TENM2: variants seen among roughly 807,000 people sequenced by gnomAD.
The protein encoded by TENM2 is teneurin transmembrane protein 2, also known as teneurin-2.
A neutral mutation model predicts 245.2 loss-of-function variants in TENM2; 52 were observed. The observed-to-expected ratio is 0.21, with a 90% CI of 0.17 to 0.27. TENM2 has a LOEUF of 0.27. Ranked by LOEUF, TENM2 falls within the 10% of genes least tolerant of loss-of-function variation. The pLI, the probability that TENM2 is intolerant of heterozygous loss-of-function variation, is 1.00. For synonymous variants in TENM2, 1,363 were observed against 1,438.9 expected, an observed-to-expected ratio of 0.95 and a Z score of 1.19; for missense variants, 3,046 against 3,666.8, an observed-to-expected ratio of 0.83 and a Z score of 4.37.
intron 9 of TENM2, among the ~76,000 whole-genome samples, chr5:168,103,538 G>A (rs1267889006): frequency 6.6e-6 from 1 of 151,956 alleles, no homozygotes; most frequent in African/African-American, 2.4e-5. Context: ...GCATTAGTCA[G>A]GTATTTTGTG....
chr5:167,792,548 C>T (rs1446034719), intron 2 of TENM2, among the ~76,000 whole-genome samples: 2 of 151,976 alleles, frequency 1.3e-5, no homozygotes, highest in Admixed American at 6.6e-5. Flanking sequence ...ACAACGTGTT[C>T]TGTCCACCTC....
At chr5:168,029,744 G>A (rs545011928) in intron 5 of TENM2, among the ~76,000 whole-genome samples, 13 of 152,224 alleles carry the variant, frequency 8.5e-5, no homozygotes, top group East Asian at 1.9e-4. Context: ...AACTGGCACC[G>A]TGCCTAAAAT....
chr5:168,250,300 G>A (rs1164553559), intron 27 of TENM2, among the ~76,000 whole-genome samples: 2 of 152,020 alleles, frequency 1.3e-5, no homozygotes, highest in African/African-American at 4.8e-5. Flanking sequence ...GAAGGGGAGA[G>A]AGAGAGTGAG....
At chr5:168,189,526 C>G (rs1760762112) in intron 13 of TENM2, among the ~76,000 whole-genome samples, 1 of 152,144 alleles carries the variant, frequency 6.6e-6, no homozygotes, top group African/African-American at 2.4e-5. Context: ...TAATAATGTT[C>G]CGAGTCCTGA....
At chr5:168,117,461 A>G (rs1022576748) in intron 9 of TENM2, among the ~76,000 whole-genome samples, 3 of 152,230 alleles carry the variant, frequency 2.0e-5, no homozygotes, top group African/African-American at 7.2e-5. Flanking sequence ...CTACACATGC[A>G]TATCTAGGAC....
chr5:167,488,631 C>T (rs1224909892), intron 2 of TENM2, among the ~76,000 whole-genome samples: 1 of 152,142 alleles, frequency 6.6e-6, no homozygotes, highest in Non-Finnish European at 1.5e-5. Flanking sequence ...TCAGACACTT[C>T]ACTCTATGAA....
At chr5:167,639,603 T>C (rs146949542) in intron 2 of TENM2, among the ~76,000 whole-genome samples, 36 of 152,336 alleles carry the variant, frequency 2.4e-4, no homozygotes, top group African/African-American at 8.7e-4. Context: ...TCATTTTATG[T>C]AGATGGCTCC....
At chr5:167,488,527 C>T (rs1340627605) in intron 2 of TENM2, among the ~76,000 whole-genome samples, 1 of 152,140 alleles carries the variant, frequency 6.6e-6, no homozygotes, top group African/African-American at 2.4e-5. Flanking sequence ...GATGGTTTTG[C>T]TCGTGACTCA....
intron 2 of TENM2, among the ~76,000 whole-genome samples, chr5:167,598,547 G>A (rs982003317): frequency 1.3e-5 from 2 of 152,168 alleles, no homozygotes; most frequent in African/African-American, 2.4e-5. Flanking sequence ...AGAGAAGAAG[G>A]GTATTACTGT....
rs1458714093 is a variant in TENM2, at chr5:167,859,605, T to TG, written c.503-16374dup. Among the ~76,000 whole-genome samples, 228 of 53,002 alleles carry TG rather than the reference T, an allele frequency of 4.3e-3. 1 individual carries two copies. Among genetic ancestry groups the TG allele is most frequent in the African/African-American group, 0.018 (208 of 11,656 alleles). The allele number at this position is 53,002 out of a possible 152,430, so 34.8% of individuals were successfully genotyped here. On this transcript the variant is annotated intron_variant, in intron 2 of 28. Transcript: ENST00000518659. ...CCAGCCGCCCCGTCCGGGAGGGAGG[T>TG]GGGGGGGTCAGCCCTCCGCCCGGCC...
chr5:167,792,915 G>T (rs752167419), intron 2 of TENM2, among the ~76,000 whole-genome samples: 1 of 152,174 alleles, frequency 6.6e-6, no homozygotes, highest in Non-Finnish European at 1.5e-5. Flanking sequence ...CCCTGACTGA[G>T]CTTTCCAATT....
At chr5:167,662,684 T>G (rs1414706483) in intron 2 of TENM2, among the ~76,000 whole-genome samples, 1 of 152,258 alleles carries the variant, frequency 6.6e-6, no homozygotes, top group South Asian at 2.1e-4. Flanking sequence ...ATTTAACAAA[T>G]GTTTTGTTCA....
At chr5:167,452,595 C>A (rs1765649732) in intron 2 of TENM2, among the ~76,000 whole-genome samples, 2 of 152,048 alleles carry the variant, frequency 1.3e-5, no homozygotes, top group African/African-American at 4.8e-5. Context: ...GTATGTCTTT[C>A]TCAAAATGGC....
intron 1 of TENM2, among the ~76,000 whole-genome samples, chr5:167,360,507 C>G (rs1471961988): frequency 6.6e-6 from 1 of 152,162 alleles, no homozygotes; most frequent in East Asian, 1.9e-4. Flanking sequence ...TTCCCAGCTC[C>G]CATATGGTAG....
chr5:167,817,130 G>A (rs905643207), intron 2 of TENM2, among the ~76,000 whole-genome samples: 2 of 152,180 alleles, frequency 1.3e-5, no homozygotes, highest in Non-Finnish European at 2.9e-5. Context: ...TTGACAGGAA[G>A]CAAACGATAG....
intron 2 of TENM2, among the ~76,000 whole-genome samples, chr5:167,860,197 AG>A (rs1771623621): frequency 1.2e-5 from 1 of 80,744 alleles, no homozygotes; most frequent in Non-Finnish European, 2.5e-5. Context: ...TGGGGGGGTC[AG>A]CCCCCCGCCC....
chr5:168,204,153 A>T (rs1160045086), intron 18 of TENM2, among the ~76,000 whole-genome samples: 1 of 151,208 alleles, frequency 6.6e-6, no homozygotes, highest in East Asian at 1.9e-4. Context: ...TGGGATTACA[A>T]GCTTCTTTGG....
chr5:167,478,080 A>G (rs1003626923), intron 2 of TENM2, among the ~76,000 whole-genome samples: 4 of 152,208 alleles, frequency 2.6e-5, no homozygotes, highest in African/African-American at 9.6e-5. Flanking sequence ...ATGCACTCAA[A>G]CTGGGAAGAG....
intron 17 of TENM2, 28 bp downstream of exon 19, chr5:168,200,159 A>T: frequency 6.3e-7 from 1 of 1,597,646 alleles, no homozygotes; most frequent in Non-Finnish European, 8.5e-7. Context: ...CCACTTATTG[A>T]TCAATGGATT....
Sources: gnomAD v4.1 joint callset for allele counts (sites outside exome capture counted in the v4.1 genomes callset) on GRCh38, gnomAD v4.1.1 for gene constraint, MANE v1.5 for transcripts, NCBI Gene and HGNC (gene_info 2026-07-23, HGNC 2026-07-21) for gene names.